The following PALM2AKAP2 variants were observed in gnomAD, a reference collection of about 807,000 sequenced individuals.
PALM2AKAP2 encodes PALM2 and AKAP2 fusion, also known as PALM2-AKAP2 fusion protein.
Under a neutral mutation model 71.5 loss-of-function variants are expected in PALM2AKAP2, and 37 were observed. That is an observed-to-expected ratio of 0.52 (90% CI 0.40 to 0.68). The LOEUF (loss-of-function observed/expected upper bound fraction) is 0.68, where lower values mean the gene tolerates loss of function less well. PALM2AKAP2 is among the 30% of genes least tolerant of loss of function. PALM2AKAP2 has a pLI of 0.00. For missense variants in PALM2AKAP2, 1,224 were observed against 1,191.8 expected, an observed-to-expected ratio of 1.03 and a Z score of -0.40; for synonymous variants, 468 against 478.8, an observed-to-expected ratio of 0.98 and a Z score of 0.29.
chr9:109,843,301 C>CAAAAA (rs35634219), intron 1 of PALM2AKAP2, among the ~76,000 whole-genome samples: 43 of 66,870 alleles, frequency 6.4e-4, no homozygotes, highest in East Asian at 9.4e-4. Flanking sequence ...GCCCCTGTCT[C>CAAAAA]AAAAAAAAAA....
At chr9:110,142,384 C>T (rs571577859) in intron 2 of PALM2AKAP2, among the ~76,000 whole-genome samples, 1 of 152,230 alleles carries the variant, frequency 6.6e-6, no homozygotes, top group East Asian at 1.9e-4. Context: ...TGAGCCACTG[C>T]ACCTGGCCCT....
chr9:109,696,608 T>C (rs2118564479), intron 1 of PALM2AKAP2, among the ~76,000 whole-genome samples: 1 of 152,322 alleles, frequency 6.6e-6, no homozygotes, highest in Non-Finnish European at 1.5e-5. Flanking sequence ...TTGGTACACA[T>C]ATACAAAGAC....
intron 1 of PALM2AKAP2, among the ~76,000 whole-genome samples, chr9:110,082,643 C>T (rs1402539546): frequency 6.6e-6 from 1 of 152,138 alleles, no homozygotes; most frequent in Non-Finnish European, 1.5e-5. Flanking sequence ...CACCACCAAA[C>T]AAAACATCAT....
intron 1 of PALM2AKAP2, among the ~76,000 whole-genome samples, chr9:110,056,363 T>C (rs189638861): frequency 2.6e-5 from 4 of 152,364 alleles, no homozygotes; most frequent in East Asian, 1.9e-4. Context: ...CGCCTACAAA[T>C]GGAGAAAGAC....
chr9:109,929,863 C>CAAAAAA (rs58029417), intron 5 of PALM2AKAP2, among the ~76,000 whole-genome samples: 5 of 69,410 alleles, frequency 7.2e-5, no homozygotes, highest in Admixed American at 1.6e-4. Context: ...GACTCCATTT[C>CAAAAAA]AAAAAAAAAA....
At chr9:109,643,512 C>T (rs1171250454) in intron 1 of PALM2AKAP2, among the ~76,000 whole-genome samples, 3 of 152,200 alleles carry the variant, frequency 2.0e-5, no homozygotes, top group African/African-American at 7.2e-5. Flanking sequence ...TCAGCTTTTT[C>T]CCACATTCCC....
At chr9:110,137,418 C>G in exon 2 of PALM2AKAP2, 1 of 1,614,186 alleles carries the variant, frequency 6.2e-7, no homozygotes. Flanking sequence ...CAGAAATCCC[C>G]CGGTGCCCTG....
chr9:110,147,978 T>C (rs1440688625), intron 2 of PALM2AKAP2, among the ~76,000 whole-genome samples: 1 of 152,188 alleles, frequency 6.6e-6, no homozygotes, highest in African/African-American at 2.4e-5. Context: ...TAGTCCACTA[T>C]GATTCGAAAA....
intron 1 of PALM2AKAP2, among the ~76,000 whole-genome samples, chr9:110,115,375 C>T (rs1343429478): frequency 6.6e-6 from 1 of 152,252 alleles, no homozygotes; most frequent in African/African-American, 2.4e-5. Context: ...TGGTACCATG[C>T]TCAGAATCCC....
exon 2 of PALM2AKAP2, chr9:110,136,274 G>A: frequency 6.2e-7 from 1 of 1,614,148 alleles, no homozygotes; most frequent in Non-Finnish European, 8.5e-7. Context: ...ATGTAAAAGT[G>A]TTCCTGGAAT....
intron 1 of PALM2AKAP2, among the ~76,000 whole-genome samples, chr9:110,052,395 G>T (rs866923689): frequency 6.6e-6 from 1 of 152,202 alleles, no homozygotes; most frequent in African/African-American, 2.4e-5. Context: ...CCATATACAT[G>T]TATATCTTAC....
At chr9:110,044,863 A>G (rs995602629), upstream of PALM2AKAP2, among the ~76,000 whole-genome samples, 3 of 151,770 alleles carry the variant, frequency 2.0e-5, no homozygotes, top group South Asian at 4.2e-4. Context: ...TTCTAAGTCT[A>G]TTTTTCAGCT....
upstream of PALM2AKAP2, among the ~76,000 whole-genome samples, chr9:109,778,150 T>G (rs1206747601): frequency 6.6e-6 from 1 of 152,250 alleles, no homozygotes; most frequent in African/African-American, 2.4e-5. Context: ...ATCATACCTT[T>G]TAAATATCTG....
intron 1 of PALM2AKAP2, among the ~76,000 whole-genome samples, chr9:110,076,091 C>T (rs781247737): frequency 1.1e-4 from 16 of 152,062 alleles, no homozygotes; most frequent in Non-Finnish European, 2.2e-4. Context: ...ACCCCAACAC[C>T]AGGATCCAAT....
At chr9:109,900,399 C>T (rs918314089) in intron 3 of PALM2AKAP2, among the ~76,000 whole-genome samples, 2 of 152,146 alleles carry the variant, frequency 1.3e-5, no homozygotes, top group Admixed American at 1.3e-4. Context: ...TAAGTAAAAT[C>T]ATCTCCCTTG....
chr9:110,016,020 G>T, exon 7 of PALM2AKAP2: 1 of 1,613,804 alleles, frequency 6.2e-7, no homozygotes, highest in Non-Finnish European at 8.5e-7. Context: ...GAAACATCCG[G>T]CCCAGACATG....
chr9:109,929,863 C>CAAA (rs58029417), intron 5 of PALM2AKAP2, among the ~76,000 whole-genome samples: 24 of 69,388 alleles, frequency 3.5e-4, no homozygotes, highest in African/African-American at 5.6e-4. Flanking sequence ...GACTCCATTT[C>CAAA]AAAAAAAAAA....
chr9:109,919,982 C>T (rs1427510659), intron 3 of PALM2AKAP2, among the ~76,000 whole-genome samples: 1 of 152,080 alleles, frequency 6.6e-6, no homozygotes, highest in Non-Finnish European at 1.5e-5. Context: ...TAGCTGAGAG[C>T]CCTGAAACCC....
intron 3 of PALM2AKAP2, among the ~76,000 whole-genome samples, chr9:109,889,817 A>G (rs966404804): frequency 6.6e-6 from 1 of 152,180 alleles, no homozygotes; most frequent in Non-Finnish European, 1.5e-5. Flanking sequence ...AACTATGAAA[A>G]TAGTAGTTGA....
Sources: gnomAD v4.1 joint callset for allele counts (sites outside exome capture counted in the v4.1 genomes callset) on GRCh38, gnomAD v4.1.1 for gene constraint, MANE v1.5 for transcripts, NCBI Gene and HGNC (gene_info 2026-07-23, HGNC 2026-07-21) for gene names.